Variants in HAT1 observed in about 807,000 individuals in gnomAD.
The protein encoded by HAT1 is histone acetyltransferase type B catalytic subunit.
In HAT1, 20 loss-of-function variants were observed where a neutral mutation model predicts 56.6. That is an observed-to-expected ratio of 0.35 (90% CI 0.25 to 0.51). HAT1 has a LOEUF of 0.51. Among genes scored for constraint, HAT1 ranks in the 20% least tolerant of loss-of-function variants. The probability of loss-of-function intolerance (pLI) is 0.95; values close to 1 mark genes in which losing one functional copy is unlikely to be tolerated. For synonymous variants in HAT1, 146 were observed against 165.5 expected, an observed-to-expected ratio of 0.88 and a Z score of 0.91; for missense variants, 408 against 504.3, an observed-to-expected ratio of 0.81 and a Z score of 1.83.
At chr2:171,928,214 C>T (rs909953120) in intron 2 of HAT1, among the ~76,000 whole-genome samples, 12 of 152,102 alleles carry the variant, frequency 7.9e-5, no homozygotes, top group African/African-American at 2.4e-4. Context: ...AGCCAAGATT[C>T]GGGTGCTAAA....
chr2:171,965,525 T>G lies in HAT1; in HGVS notation c.489+8T>G. On this transcript the variant is annotated splice_region_variant and intron_variant, in intron 5 of 10. Coordinates refer to ENST00000264108, the MANE Select transcript of HAT1 (RefSeq NM_003642.4). ...ACCTTTCAGATATATAAGGTAAAGA[T>G]AAATCTAAATATTTATTGAGTAAAG... 6.8e-7 allele frequency: 1 copy of G among 1,480,430 alleles called. No homozygotes were observed. The highest frequency in any genetic ancestry group is 2.0e-5 in the Admixed American group (1 of 49,538). 91.7% of individuals were successfully genotyped at this position (1,480,430 alleles called of 1,614,324 possible). A position where few individuals can be genotyped will look rare whatever the true frequency, so the allele number is the denominator to read the frequency against.
intron 8 of HAT1, among the ~76,000 whole-genome samples, chr2:171,972,109 C>T (rs545820797): frequency 2.6e-4 from 39 of 152,314 alleles, no homozygotes; most frequent in Non-Finnish European, 3.8e-4. Flanking sequence ...GGCACTCCTC[C>T]CAGGCCCCCG....
At chr2:171,960,970 C>A (rs964721573) in intron 4 of HAT1, among the ~76,000 whole-genome samples, 2 of 152,054 alleles carry the variant, frequency 1.3e-5, no homozygotes, top group African/African-American at 2.4e-5. Flanking sequence ...GGTGAAACCT[C>A]ATCTCTACCA....
intron 2 of HAT1, among the ~76,000 whole-genome samples, chr2:171,927,089 GAC>G (rs748256479): frequency 3.3e-5 from 5 of 152,194 alleles, no homozygotes; most frequent in Non-Finnish European, 7.3e-5. Context: ...GTTCAGAAAA[GAC>G]ACATCCATAG....
intron 4 of HAT1, among the ~76,000 whole-genome samples, chr2:171,957,339 A>C (rs1475484873): frequency 2.0e-5 from 3 of 152,180 alleles, no homozygotes; most frequent in African/African-American, 7.2e-5. Context: ...CTGAATTTTG[A>C]AATTGCTTGG....
chr2:171,953,101 T>G, intron 4 of HAT1, 100 bp downstream of exon 4: 1 of 634,264 alleles, frequency 1.6e-6, no homozygotes, highest in Non-Finnish European at 2.5e-6. Context: ...CCCCAGCAGT[T>G]TGGGGGACCA....
At chr2:171,946,886 T>TCTTAAAATATATGTTTAA (rs1687180560) in intron 3 of HAT1, 103 bp downstream of exon 3, 2 of 619,360 alleles carry the variant, frequency 3.2e-6, no homozygotes, top group Admixed American at 6.5e-5. Flanking sequence ...TTCTTATTTT[T>TCTTAAAATATATGTTTAA]AATGTGGTTT....
chr2:171,938,069 TCTCTC>T (rs1686922079), intron 2 of HAT1, among the ~76,000 whole-genome samples: 1 of 137,340 alleles, frequency 7.3e-6, no homozygotes, highest in African/African-American at 2.7e-5. Flanking sequence ...TCTCTCTCTC[TCTCTC>T]TTTAAATGAA....
chr2:171,934,742 T>G (rs1232514913), intron 2 of HAT1, among the ~76,000 whole-genome samples: 1 of 145,926 alleles, frequency 6.9e-6, no homozygotes, highest in Non-Finnish European at 1.5e-5. Flanking sequence ...TAGTTAAATT[T>G]AACTAGAGTG....
chr2:171,925,598 A>G lies in HAT1; in HGVS notation c.69A>G (p.Ala23=). 1 of 1,582,760 alleles carries G rather than the reference A, an allele frequency of 6.3e-7. No individual in the cohort carries two copies. Among genetic ancestry groups the G allele is most frequent in the East Asian group, 2.2e-5 (1 of 44,682 alleles). ...AGAGTGCAGTGGAGAAGAAACTGGCAGAGTACAAATGTAACACCAACACAG... is the reference window on the plus strand; with the variant it reads ...AGAGTGCAGTGGAGAAGAAACTGGCGGAGTACAAATGTAACACCAACACAG... ...EYKSAVEKKL[A]EYKCNTNTAI... is the part of the protein sequence containing the mutation. Residue 23 remains alanine, a synonymous_variant, in exon 2 of 11, where the codon GCA becomes GCG. Coordinates refer to ENST00000264108, the MANE Select transcript of HAT1 (RefSeq NM_003642.4).
chr2:171,931,968 T>C (rs1264530630), intron 2 of HAT1, among the ~76,000 whole-genome samples: 1 of 152,246 alleles, frequency 6.6e-6, no homozygotes, highest in Non-Finnish European at 1.5e-5. Flanking sequence ...GTTTTTCATA[T>C]GTGCCCTTTA....
chr2:171,964,263 C>T (rs1050036881), intron 4 of HAT1, among the ~76,000 whole-genome samples: 2 of 152,150 alleles, frequency 1.3e-5, no homozygotes, highest in Non-Finnish European at 2.9e-5. Context: ...AACTAATACC[C>T]ATCATGCATG....
In HAT1 at chr2:171,965,293, T is replaced by TAA. The variant is rs754586002; in HGVS notation, c.310-43_310-42dup. ...TTAAAGAAATAAACCATATTCAACTTAAAGTCGAATTTGTTATTAATTTTT... is the reference window on the plus strand; with the variant it reads ...TTAAAGAAATAAACCATATTCAACTTAAAAAGTCGAATTTGTTATTAATTTTT... On this transcript the variant is annotated intron_variant, in intron 4 of 10. Transcript: ENST00000264108. The TAA allele has an allele frequency of 2.6e-6, 3 of 1,172,912 alleles. No homozygotes were observed. In the African/African-American group the frequency reaches 4.7e-5, roughly 18 times the overall value. The allele number at this position is 1,172,912 out of a possible 1,614,324, so 72.7% of individuals were successfully genotyped here. A position where few individuals can be genotyped will look rare whatever the true frequency, so the allele number is the denominator to read the frequency against.
intron 10 of HAT1, among the ~76,000 whole-genome samples, chr2:171,981,060 C>T (rs1399561529): frequency 1.3e-5 from 2 of 151,736 alleles, no homozygotes; most frequent in Non-Finnish European, 2.9e-5. Context: ...ATCCCAGCTT[C>T]TCCGGAGGCT....
intron 7 of HAT1, 59 bp from the exon 8 acceptor site, chr2:171,966,784 C>A: frequency 3.8e-6 from 3 of 792,988 alleles, no homozygotes; most frequent in Admixed American, 2.2e-5. Flanking sequence ...TAGTGATCTG[C>A]AGGTTTTAAA....
chr2:171,942,333 A>T (rs1687038977), intron 2 of HAT1, among the ~76,000 whole-genome samples: 1 of 152,254 alleles, frequency 6.6e-6, no homozygotes, highest in South Asian at 2.1e-4. Flanking sequence ...TGAAATAAAA[A>T]TTATCCATAA....
At chr2:171,974,193 G>GAAAAAAA (rs1277239116) in intron 8 of HAT1, among the ~76,000 whole-genome samples, 1 of 92,790 alleles carries the variant, frequency 1.1e-5, no homozygotes, top group Non-Finnish European at 2.0e-5. Flanking sequence ...AAAAAAAAAA[G>GAAAAAAA]AAAAAAAGAA....
intron 8 of HAT1, among the ~76,000 whole-genome samples, chr2:171,973,768 C>T (rs958446375): frequency 1.3e-5 from 2 of 152,130 alleles, no homozygotes; most frequent in Admixed American, 1.3e-4. Context: ...GAAACCATCC[C>T]TTGTCTGTTC....
intron 2 of HAT1, among the ~76,000 whole-genome samples, chr2:171,935,200 G>T (rs182438653): frequency 3.9e-5 from 6 of 151,938 alleles, no homozygotes; most frequent in African/African-American, 1.5e-4. Context: ...GTAGAAGAGG[G>T]ACAGTGAAAT....
Sources: gnomAD v4.1 joint callset for allele counts (sites outside exome capture counted in the v4.1 genomes callset) on GRCh38, gnomAD v4.1.1 for gene constraint, MANE v1.5 for transcripts, NCBI Gene and HGNC (gene_info 2026-07-23, HGNC 2026-07-21) for gene names.